The following CDC73 variants were observed in gnomAD, a reference collection of about 807,000 sequenced individuals.
CDC73 encodes cell division cycle 73, also known as parafibromin.
Under a neutral mutation model 83.7 loss-of-function variants are expected in CDC73, and 21 were observed. The observed-to-expected ratio is 0.25, with a 90% confidence interval of 0.18 to 0.36. The LOEUF is 0.36. Among genes scored for constraint, CDC73 ranks in the 10% least tolerant of loss-of-function variants. The pLI, the probability that CDC73 is intolerant of heterozygous loss-of-function variation, is 1.00. For synonymous variants in CDC73, 224 were observed against 212.9 expected (o/e 1.05, Z -0.45); for missense variants, 342 against 653.3 (o/e 0.52, Z 5.19).
chr1:193,209,448 G>A (rs542316077), intron 11 of CDC73, among the ~76,000 whole-genome samples: 4 of 152,234 alleles, frequency 2.6e-5, no homozygotes, highest in East Asian at 1.9e-4. Context: ...AACTGAGGCC[G>A]AGCAAAGTTA....
intron 10 of CDC73, among the ~76,000 whole-genome samples, chr1:193,192,192 C>G (rs1265482943): frequency 6.6e-6 from 1 of 152,096 alleles, no homozygotes; most frequent in African/African-American, 2.4e-5. Flanking sequence ...CCTGTAATTC[C>G]AGCACTTTGG....
chr1:193,234,520 A>T (rs7551897), intron 14 of CDC73, among the ~76,000 whole-genome samples: 5 of 151,750 alleles, frequency 3.3e-5, no homozygotes, highest in African/African-American at 1.2e-4. Context: ...AGTGTATACA[A>T]ATCTCATCAC....
intron 3 of CDC73, among the ~76,000 whole-genome samples, chr1:193,132,604 T>C (rs1675715082): frequency 6.6e-6 from 1 of 151,468 alleles, no homozygotes; most frequent in Non-Finnish European, 1.5e-5. Context: ...TGAGCCACTG[T>C]GCCCAGCCAT....
intron 11 of CDC73, among the ~76,000 whole-genome samples, chr1:193,210,378 G>T (rs536802577): frequency 9.9e-5 from 15 of 152,224 alleles, no homozygotes; most frequent in African/African-American, 3.6e-4. Context: ...CATTGAATTA[G>T]AATTTTAAGT....
chr1:193,184,357 C>T (rs1406036993), intron 10 of CDC73, among the ~76,000 whole-genome samples: 1 of 151,684 alleles, frequency 6.6e-6, no homozygotes, highest in Admixed American at 6.6e-5. Flanking sequence ...CCAGTTATTG[C>T]CTGTTGTATT....
rs541757887 is a variant in CDC73, at chr1:193,122,197, G to T, written c.-4G>T. On this transcript the variant is annotated 5_prime_UTR_variant, in exon 1 of 17. Coordinates refer to ENST00000367435, the MANE Select transcript of CDC73 (RefSeq NM_024529.5). ...CCGAGCCGGCGGAGGCGAGGGGGGG[G>T]AAGATGGCGGACGTGCTTAGCGTCC... is the stretch of plus-strand genomic sequence containing the variant. The T allele has an allele frequency of 1.9e-6, 3 of 1,613,312 alleles. No homozygotes were observed. Among genetic ancestry groups the T allele is most frequent in the African/African-American group, 1.3e-5 (1 of 75,038 alleles).
At chr1:193,139,336 G>A (rs1364228540) in intron 6 of CDC73, among the ~76,000 whole-genome samples, 1 of 150,524 alleles carries the variant, frequency 6.6e-6, no homozygotes, top group Non-Finnish European at 1.5e-5. Context: ...GCGTGATCTC[G>A]GCTCACTGCA....
At chr1:193,127,132 T>C (rs755964023) in intron 2 of CDC73, among the ~76,000 whole-genome samples, 3 of 151,862 alleles carry the variant, frequency 2.0e-5, no homozygotes, top group East Asian at 3.9e-4. Flanking sequence ...TAGTCAGGCG[T>C]GGTAGTGTGC....
At chr1:193,132,027 A>G (rs561203808) in intron 3 of CDC73, among the ~76,000 whole-genome samples, 5 of 152,318 alleles carry the variant, frequency 3.3e-5, no homozygotes, top group South Asian at 2.1e-4. Flanking sequence ...AGCATTTACA[A>G]TAGTGGTGCA....
rs1165402393 is a variant in CDC73 at position 193,220,765 on chromosome 1, G to A, written c.1154+8288G>A. Among the ~76,000 whole-genome samples the A allele has an allele frequency of 2.7e-4, 41 of 152,120 alleles. 1 individual carries two copies. Among genetic ancestry groups the A allele is most frequent in the Admixed American group, 2.7e-3 (41 of 15,274 alleles). On this transcript the variant is annotated intron_variant, in intron 13 of 16. Coordinates refer to ENST00000367435, the MANE Select transcript of CDC73 (RefSeq NM_024529.5). ...AGTTTTAGTATTCTGGCAGATGTGAGTTTTTTGATTGCATATGTCATCTGA... is the reference window on the plus strand; with the variant it reads ...AGTTTTAGTATTCTGGCAGATGTGAATTTTTTGATTGCATATGTCATCTGA...
chr1:193,178,761 A>T (rs1676656357), intron 10 of CDC73, among the ~76,000 whole-genome samples: 1 of 152,204 alleles, frequency 6.6e-6, no homozygotes, highest in Admixed American at 6.5e-5. Flanking sequence ...TAGAACACTT[A>T]GGCTACTGAT....
chr1:193,246,325 A>G (rs959238804), intron 15 of CDC73, among the ~76,000 whole-genome samples: 1 of 152,054 alleles, frequency 6.6e-6, no homozygotes, highest in Non-Finnish European at 1.5e-5. Flanking sequence ...TCTTCTGTAT[A>G]TAGAGATATA....
intron 15 of CDC73, among the ~76,000 whole-genome samples, chr1:193,238,361 A>G (rs541418081): frequency 2.0e-5 from 3 of 151,988 alleles, no homozygotes; most frequent in South Asian, 2.1e-4. Context: ...GTCTCTACCA[A>G]CTCATTTTCT....
At chr1:193,140,316 C>T (rs1298650153) in intron 6 of CDC73, among the ~76,000 whole-genome samples, 1 of 152,122 alleles carries the variant, frequency 6.6e-6, no homozygotes, top group Non-Finnish European at 1.5e-5. Flanking sequence ...GGTACTTCAT[C>T]TTGGCTGTAA....
chr1:193,128,785 A>G (rs1238829327), intron 2 of CDC73, among the ~76,000 whole-genome samples: 1 of 152,188 alleles, frequency 6.6e-6, no homozygotes, highest in African/African-American at 2.4e-5. Context: ...AGTAAATTAT[A>G]ATAAGTATTC....
At chr1:193,196,346 G>A (rs1425601881) in intron 10 of CDC73, among the ~76,000 whole-genome samples, 5 of 152,120 alleles carry the variant, frequency 3.3e-5, no homozygotes, top group African/African-American at 1.2e-4. Flanking sequence ...TAATCTGTAT[G>A]TCTGTCTTTA....
At position 193,162,333 on chromosome 1, in the gene CDC73, C is replaced by T. The variant is rs553674204; in HGVS notation, c.972+9889C>T. 1.9e-3 allele frequency among the ~76,000 whole-genome samples: 238 copies of T among 126,702 alleles called. 1 individual carries two copies. Among genetic ancestry groups the T allele is most frequent in the South Asian group, 4.8e-3 (20 of 4,174 alleles). 83.1% of individuals were successfully genotyped at this position (126,702 alleles called of 152,430 possible). ...TATTATATATCATATATACTATATACTATATATTATATATACATATATATT... is the reference window on the plus strand; with the variant it reads ...TATTATATATCATATATACTATATATTATATATTATATATACATATATATT... On this transcript the variant is annotated intron_variant, in intron 10 of 16. Coordinates refer to ENST00000367435, the MANE Select transcript of CDC73 (RefSeq NM_024529.5).
intron 10 of CDC73, among the ~76,000 whole-genome samples, chr1:193,163,985 C>A (rs1676388996): frequency 6.6e-6 from 1 of 152,110 alleles, no homozygotes; most frequent in South Asian, 2.1e-4. Flanking sequence ...GCCATGTTGG[C>A]CAGGCTGGCC....
chr1:193,235,403 C>T (rs537769253), intron 14 of CDC73, among the ~76,000 whole-genome samples: 9 of 152,232 alleles, frequency 5.9e-5, no homozygotes, highest in East Asian at 5.8e-4. Context: ...TCATAAGTAA[C>T]GCATAAAGTC....
Sources: gnomAD v4.1 joint callset for allele counts (sites outside exome capture counted in the v4.1 genomes callset) on GRCh38, gnomAD v4.1.1 for gene constraint, MANE v1.5 for transcripts, NCBI Gene and HGNC (gene_info 2026-07-23, HGNC 2026-07-21) for gene names.